TMED4: variants seen among roughly 807,000 people sequenced by gnomAD.
TMED4 encodes the protein transmembrane p24 trafficking protein 4.
In TMED4, 19 loss-of-function variants were observed where a neutral mutation model predicts 26.5. The observed-to-expected ratio is 0.72, with a 90% CI of 0.50 to 1.05. The LOEUF is 1.05. TMED4 is among the 50% of genes least tolerant of loss of function. The pLI is 0.00. For synonymous variants in TMED4, 121 were observed against 119.8 expected (o/e 1.01, Z -0.07); for missense variants, 303 against 302.5 (o/e 1.00, Z -0.01).
rs1157431625 is a variant in TMED4 at position 44,578,049 on chromosome 7, G to T, written c.*1430C>A. On this transcript the variant is annotated 3_prime_UTR_variant, in exon 5 of 5. Coordinates refer to ENST00000457408, the MANE Select transcript of TMED4 (RefSeq NM_182547.4). The stretch of plus-strand genomic sequence containing the variant: ...AAAATTTGTTCAAATTTATGACTGA[G>T]AGGGCTAAGAAGGTACTTAATTTCC... 6 of 152,208 alleles carry T rather than the reference G, an allele frequency of 3.9e-5. No individual in the cohort carries two copies. The highest frequency in any genetic ancestry group is 1.4e-4 in the African/African-American group (6 of 41,462). 9.4% of individuals were successfully genotyped at this position (152,208 alleles called of 1,614,324 possible). A position where few individuals can be genotyped will look rare whatever the true frequency, so the allele number is the denominator to read the frequency against.
intron 4 of TMED4, 79 bp downstream of exon 4, chr7:44,581,014 T>C: frequency 6.7e-7 from 1 of 1,487,838 alleles, no homozygotes; most frequent in Non-Finnish European, 9.3e-7. Context: ...AGAGCTGATC[T>C]CCCAAGCAGA....
chr7:44,582,089 G>A lies in TMED4; in HGVS notation c.118C>T (p.Arg40Cys). 1 of 1,566,732 alleles carries A rather than the reference G, an allele frequency of 6.4e-7. No individual in the cohort carries two copies. Among genetic ancestry groups the A allele is most frequent in the Non-Finnish European group, 8.7e-7 (1 of 1,155,878 alleles). The change falls in exon 1 of 5, where the codon CGC becomes TGC. Residue 40 changes from arginine to cysteine, a missense_variant. Arg to Cys is a radical substitution (Grantham distance 180). Transcript: ENST00000457408. ...TCGGGGATTTCCTCGATGAAACAGC[G>A]CTTCTCGGTCTCGCCGATGTGGAAG... ...LYFHIGETEK[R>C]CFIEEIPDET... is the part of the protein sequence containing the mutation.
chr7:44,581,469 G>C lies in TMED4; in HGVS notation c.367C>G (p.Leu123Val), dbSNP rs1242001770. 1.9e-6 allele frequency: 3 copies of C among 1,614,254 alleles called. No homozygotes were observed. Among genetic ancestry groups the C allele is most frequent in the African/African-American group, 1.3e-5 (1 of 75,080 alleles). ...CLHSNSTRMA[L>V]FAGGKLRVHL... Reference sequence around the variant, plus strand: ...CTTACCAGTTTGCCACCAGCGAAGAGAGCCATCCTGGTAGAATTGGAGTGC... The same window carrying C: ...CTTACCAGTTTGCCACCAGCGAAGACAGCCATCCTGGTAGAATTGGAGTGC... The change falls in exon 3 of 5, where the codon CTC (leucine) becomes GTC (valine). Residue 123 changes from leucine (L) to valine (V), a missense_variant. Transcript: ENST00000457408.
At chr7:44,580,949 A>G (rs1802966634) in intron 4 of TMED4, 144 bp downstream of exon 4, 1 of 951,464 alleles carries the variant, frequency 1.1e-6, no homozygotes, top group Non-Finnish European at 1.6e-6. Flanking sequence ...ACTCCGTCTC[A>G]AAAACAACAA....
rs1802880733 is a variant in TMED4, at chr7:44,578,493, C to T, written c.*986G>A. On this transcript the variant is annotated 3_prime_UTR_variant, in exon 5 of 5. Transcript: ENST00000457408. ...GCCCTGTGGGATGAAAAGCAGGTAT[C>T]CAAAAGAACTCTGCTTGGCCCTCTG... 1.3e-5 allele frequency: 2 copies of T among 152,148 alleles called. No individual in the cohort carries two copies. Among genetic ancestry groups the T allele is most frequent in the Admixed American group, 1.3e-4 (2 of 15,260 alleles). The allele number at this position is 152,148 out of a possible 1,614,324, so 9.4% of individuals were successfully genotyped here.
At chr7:44,580,929 C>A in intron 4 of TMED4, 164 bp downstream of exon 4, 1 of 763,530 alleles carries the variant, frequency 1.3e-6, no homozygotes, top group South Asian at 1.8e-5. Context: ...GCATGGGCAA[C>A]AAGAGTGAAA....
At position 44,582,191 on chromosome 7, in the gene TMED4, C is replaced by T. The variant is rs1803030364; in HGVS notation, c.16G>A (p.Ala6Thr). MAGVG[A>T]GPLRAMGRQA... Reference sequence around the variant, plus strand: ...CGCCCCATCGCCCGCAGAGGCCCAGCCCCGACACCTGCCATCGCGCCTCAG... The same window carrying T: ...CGCCCCATCGCCCGCAGAGGCCCAGTCCCGACACCTGCCATCGCGCCTCAG... Residue 6 changes from alanine (A) to threonine (T), a missense_variant, in exon 1 of 5, where the codon GCT (alanine) becomes ACT (threonine). Ala to Thr is a moderately conservative substitution (Grantham distance 58, BLOSUM62 0). Coordinates refer to ENST00000457408, the MANE Select transcript of TMED4 (RefSeq NM_182547.4). 2 of 1,545,084 alleles carry T rather than the reference C, an allele frequency of 1.3e-6. No individual in the cohort carries two copies. The highest frequency in any genetic ancestry group is 4.0e-5 in the Admixed American group (2 of 49,406).
At chr7:44,579,869 AG>A (rs1285363791) in intron 4 of TMED4, 34 of 360,196 alleles carry the variant, frequency 9.4e-5, no homozygotes, top group African/African-American at 7.0e-4. Flanking sequence ...CAAGAGTCCA[AG>A]AAAAACAGGT....
chr7:44,581,156 CTGTA>C lies in TMED4; in HGVS notation c.467_470del (p.Leu156ArgfsTer30). On this transcript the variant is annotated frameshift_variant, in exon 4 of 5. Coordinates refer to ENST00000457408, the MANE Select transcript of TMED4 (RefSeq NM_182547.4). LOFTEE classifies it high-confidence loss of function. ...GATCAAGCAACTGGCGGGCGCGGAG[CTGTA>C]GCTCCGTCAGCTTATCTTTTGCAGC... is the stretch of plus-strand genomic sequence containing the variant. The C allele has an allele frequency of 6.2e-7, 1 of 1,614,172 alleles. No individual in the cohort carries two copies. The highest frequency in any genetic ancestry group is 1.7e-5 in the Admixed American group (1 of 60,024).
intron 4 of TMED4, 74 bp downstream of exon 4, chr7:44,581,019 A>G: frequency 1.3e-6 from 2 of 1,528,118 alleles, no homozygotes; most frequent in Non-Finnish European, 1.8e-6. Flanking sequence ...TGATCTCCCA[A>G]GCAGAAACTT....
intron 1 of TMED4, 49 bp from the exon 2 acceptor site, chr7:44,581,872 C>T (rs1382006706): frequency 1.3e-6 from 2 of 1,597,724 alleles, no homozygotes; most frequent in East Asian, 2.2e-5. Context: ...GCCGCCTCTC[C>T]GCCCGGCCCC....
intron 4 of TMED4, 98 bp downstream of exon 4, chr7:44,580,995 A>G: frequency 7.5e-7 from 1 of 1,333,714 alleles, no homozygotes; most frequent in Non-Finnish European, 1.1e-6. Context: ...TTCTCATTCC[A>G]TTCTCTGCAG....
Position 44,581,523 on chromosome 7 carries a change from G to A in TMED4, c.313C>T (p.His105Tyr). The A allele has an allele frequency of 6.2e-7, 1 of 1,614,218 alleles. No individual in the cohort carries two copies. The highest frequency in any genetic ancestry group is 8.5e-7 in the Non-Finnish European group (1 of 1,180,034). The change falls in exon 3 of 5, where the codon CAC becomes TAC. Residue 105 changes from histidine (H) to tyrosine (Y), a missense_variant. Coordinates refer to ENST00000457408, the MANE Select transcript of TMED4 (RefSeq NM_182547.4). ...CAGATTTGATGGTCACCGGGCGTGT[G>A]GGAGGTGAACGTGAAGCGGCCCTCC... ...GSEGRFTFTS[H>Y]TPGDHQICLH...
Position 44,579,459 on chromosome 7 carries a change from A to AG in TMED4, c.*19dup, listed in dbSNP as rs35771556. On this transcript the variant is annotated 3_prime_UTR_variant, in exon 5 of 5. Coordinates refer to ENST00000457408, the MANE Select transcript of TMED4 (RefSeq NM_182547.4). ...TACCAAATAAATGAGGTAAAAAGGA[A>AG]GGGTCATACAAAGAGGGCACTACAC... The AG allele has an allele frequency of 6.2e-7, 1 of 1,603,602 alleles. No individual in the cohort carries two copies. Among genetic ancestry groups the AG allele is most frequent in the Non-Finnish European group, 8.5e-7 (1 of 1,172,688 alleles).
At chr7:44,581,282 T>G (rs1802982370) in intron 3 of TMED4, 43 bp from the exon 4 acceptor site, 1 of 1,611,368 alleles carries the variant, frequency 6.2e-7, no homozygotes, top group Middle Eastern at 1.7e-4. Flanking sequence ...GGCCTCCAGT[T>G]GTCTGTTCCA....
rs761009388 is a variant in TMED4 at position 44,579,328 on chromosome 7, G to GC, written c.*150dup. ...CATGTGTCCTTAAGAACCAGGGTCAGCAAGTGGCTGATCTGAATGGTTTGT... is the reference window on the plus strand; with the variant it reads ...CATGTGTCCTTAAGAACCAGGGTCAGCCAAGTGGCTGATCTGAATGGTTTGT... On this transcript the variant is annotated 3_prime_UTR_variant, in exon 5 of 5. Transcript: ENST00000457408. 1.6e-5 allele frequency: 12 copies of GC among 741,564 alleles called. No homozygotes were observed. The highest frequency in any genetic ancestry group is 3.0e-5 in the Admixed American group (1 of 33,878). The allele number at this position is 741,564 out of a possible 1,614,324, so 45.9% of individuals were successfully genotyped here. A position where few individuals can be genotyped will look rare whatever the true frequency, so the allele number is the denominator to read the frequency against.
At chr7:44,580,560 A>T (rs1802953741) in intron 4 of TMED4, 1 of 152,920 alleles carries the variant, frequency 6.5e-6, no homozygotes, top group Non-Finnish European at 1.5e-5. Flanking sequence ...TGGTAGCACA[A>T]CATTATGAAG....
In TMED4 at chr7:44,579,261, T is replaced by C; in HGVS notation, c.*218A>G. 1 of 448,684 alleles carries C rather than the reference T, an allele frequency of 2.2e-6. No homozygotes were observed. Among genetic ancestry groups the C allele is most frequent in the Non-Finnish European group, 4.0e-6 (1 of 250,810 alleles). 27.8% of individuals were successfully genotyped at this position (448,684 alleles called of 1,614,324 possible). A position where few individuals can be genotyped will look rare whatever the true frequency, so the allele number is the denominator to read the frequency against. On this transcript the variant is annotated 3_prime_UTR_variant, in exon 5 of 5. Transcript: ENST00000457408. Reference sequence around the variant, plus strand: ...TGAGTCCTGGGTTAGTTCTGATTCCTCACAAGCCCTAAGACAAGATTTTGA... The same window carrying C: ...TGAGTCCTGGGTTAGTTCTGATTCCCCACAAGCCCTAAGACAAGATTTTGA...
Sources: gnomAD v4.1 joint callset for allele counts on GRCh38, gnomAD v4.1.1 for gene constraint, MANE v1.5 for transcripts, NCBI Gene and HGNC (gene_info 2026-07-23, HGNC 2026-07-21) for gene names.